Variants in CPNE4 observed in about 807,000 individuals in gnomAD.
The protein encoded by CPNE4 is copine 4.
CPNE4 carries 25 observed loss-of-function variants against 67.9 expected under a neutral mutation model. The ratio of observed to expected loss-of-function variants is 0.37; its 90% confidence interval spans 0.27 to 0.51. The LOEUF is 0.51. Among genes scored for constraint, CPNE4 ranks in the 20% least tolerant of loss-of-function variants. The pLI is 0.93. For missense variants in CPNE4, 464 were observed against 690.8 expected (o/e 0.67, Z 3.68); for synonymous variants, 242 against 244.9 (o/e 0.99, Z 0.11).
At chr3:131,728,899 C>CA (rs34269107) in intron 2 of CPNE4, among the ~76,000 whole-genome samples, 13,390 of 89,758 alleles carry the variant, frequency 0.15, 928 homozygotes, top group East Asian at 0.3. Context: ...AACAGAGCCT[C>CA]AAAAAAAAAA....
chr3:131,901,747 T>C (rs1433673201), intron 2 of CPNE4, among the ~76,000 whole-genome samples: 1 of 152,100 alleles, frequency 6.6e-6, no homozygotes, highest in East Asian at 1.9e-4. Flanking sequence ...GTTCTGGGAC[T>C]ACCATCTTCT....
intron 2 of CPNE4, among the ~76,000 whole-genome samples, chr3:131,749,562 G>A (rs2107794263): frequency 6.6e-6 from 1 of 152,198 alleles, no homozygotes; most frequent in East Asian, 1.9e-4. Flanking sequence ...GAAGTCTCCA[G>A]TTTTGATTGT....
intron 1 of CPNE4, among the ~76,000 whole-genome samples, chr3:131,935,487 TA>T (rs1165932753): frequency 6.6e-6 from 1 of 151,812 alleles, no homozygotes; most frequent in Non-Finnish European, 1.5e-5. Context: ...ACAAATAGAA[TA>T]AATGGGGTAG....
At chr3:132,000,053 CAAA>C (rs10566178) in intron 1 of CPNE4, among the ~76,000 whole-genome samples, 22 of 148,846 alleles carry the variant, frequency 1.5e-4, no homozygotes, top group African/African-American at 2.9e-4. Flanking sequence ...AGGAAATAGG[CAAA>C]AAAAAAAAAG....
intron 2 of CPNE4, among the ~76,000 whole-genome samples, chr3:131,799,488 A>T (rs2084013391): frequency 6.6e-6 from 1 of 151,456 alleles, no homozygotes; most frequent in South Asian, 2.1e-4. Context: ...TTTTCTACCT[A>T]CTCTGGTGTT....
chr3:131,969,346 A>T (rs1258523652), intron 1 of CPNE4, among the ~76,000 whole-genome samples: 1 of 151,870 alleles, frequency 6.6e-6, no homozygotes, highest in African/African-American at 2.4e-5. Context: ...CATGTTCTGC[A>T]CATGTATCCC....
At chr3:131,879,027 T>C (rs1371598653) in intron 2 of CPNE4, among the ~76,000 whole-genome samples, 3 of 152,248 alleles carry the variant, frequency 2.0e-5, no homozygotes, top group South Asian at 4.1e-4. Flanking sequence ...ACTGACGCTG[T>C]CTCCTATTGC....
chr3:131,547,877 G>A (rs999917046), intron 14 of CPNE4, among the ~76,000 whole-genome samples: 2 of 152,138 alleles, frequency 1.3e-5, no homozygotes, highest in Non-Finnish European at 2.9e-5. Context: ...TCACCTGATG[G>A]ATGTTGTGTA....
chr3:131,649,840 C>T (rs754535947), intron 7 of CPNE4, among the ~76,000 whole-genome samples: 1 of 152,152 alleles, frequency 6.6e-6, no homozygotes. Context: ...AAAGAAGGCC[C>T]ATTTGTTATC....
At chr3:131,674,006 AT>A (rs35368088) in intron 6 of CPNE4, among the ~76,000 whole-genome samples, 33 of 150,510 alleles carry the variant, frequency 2.2e-4, no homozygotes, top group South Asian at 8.4e-4. Context: ...AGTTTTTTGC[AT>A]TTTTTTTTAT....
intron 2 of CPNE4, among the ~76,000 whole-genome samples, chr3:131,861,555 C>A (rs1178872495): frequency 6.6e-6 from 1 of 151,906 alleles, no homozygotes; most frequent in Non-Finnish European, 1.5e-5. Context: ...CTCAGCCTCC[C>A]AAGTAGTTGG....
chr3:131,762,213 C>T (rs1356917762), intron 2 of CPNE4, among the ~76,000 whole-genome samples: 5 of 152,050 alleles, frequency 3.3e-5, no homozygotes. Context: ...CAACTTCTCT[C>T]TCTCTGTATG....
chr3:131,883,775 A>G (rs889716052), intron 2 of CPNE4, among the ~76,000 whole-genome samples: 1 of 152,172 alleles, frequency 6.6e-6, no homozygotes, highest in African/African-American at 2.4e-5. Context: ...TGCACAATAC[A>G]GTATTGTTAA....
intron 2 of CPNE4, among the ~76,000 whole-genome samples, chr3:131,824,615 TGTA>T (rs544248755): frequency 2.6e-5 from 4 of 152,170 alleles, no homozygotes; most frequent in Non-Finnish European, 5.9e-5. Context: ...AGTAAGCCTG[TGTA>T]GACTTCTCTC....
intron 2 of CPNE4, among the ~76,000 whole-genome samples, chr3:131,743,379 C>T (rs2082401518): frequency 6.6e-6 from 1 of 152,126 alleles, no homozygotes; most frequent in African/African-American, 2.4e-5. Flanking sequence ...TTCAGCTGCT[C>T]CAGGCCACAC....
intron 2 of CPNE4, among the ~76,000 whole-genome samples, chr3:131,782,688 G>A (rs1332450250): frequency 1.3e-5 from 2 of 152,094 alleles, no homozygotes; most frequent in African/African-American, 4.8e-5. Flanking sequence ...AGGGAATGAT[G>A]ATGAATAGAA....
intron 7 of CPNE4, among the ~76,000 whole-genome samples, chr3:131,588,331 C>T (rs945585917): frequency 3.3e-5 from 5 of 152,212 alleles, no homozygotes; most frequent in African/African-American, 1.2e-4. Flanking sequence ...CTTGGTCACA[C>T]ATCTAAGTGA....
intron 2 of CPNE4, among the ~76,000 whole-genome samples, chr3:131,874,111 C>T (rs1237462102): frequency 2.0e-5 from 3 of 147,092 alleles, no homozygotes; most frequent in East Asian, 2.0e-4. Context: ...TTTTTTGAGA[C>T]GGAATTTCGC....
At chr3:131,827,437 C>T (rs2085207125) in intron 2 of CPNE4, among the ~76,000 whole-genome samples, 1 of 152,036 alleles carries the variant, frequency 6.6e-6, no homozygotes, top group Non-Finnish European at 1.5e-5. Context: ...GTGGTAGCCT[C>T]TTGCCTTATT....
Sources: gnomAD v4.1 joint callset for allele counts (sites outside exome capture counted in the v4.1 genomes callset) on GRCh38, gnomAD v4.1.1 for gene constraint, MANE v1.5 for transcripts, NCBI Gene and HGNC (gene_info 2026-07-23, HGNC 2026-07-21) for gene names.